Variants in KSR2 observed in about 807,000 individuals in gnomAD.
KSR2 encodes kinase suppressor of ras 2.
In KSR2, 25 loss-of-function variants were observed where a neutral mutation model predicts 107.8. The observed-to-expected ratio is 0.23, with a 90% CI of 0.17 to 0.32. The LOEUF is 0.32. Ranked by LOEUF, KSR2 falls within the 10% of genes least tolerant of loss-of-function variation. KSR2 has a pLI of 1.00. For synonymous variants in KSR2, 480 were observed against 507.0 expected, an observed-to-expected ratio of 0.95 and a Z score of 0.71; for missense variants, 887 against 1,268.9, an observed-to-expected ratio of 0.70 and a Z score of 4.57.
Position 117,531,005 on chromosome 12 carries a change from G to A in KSR2, c.1738C>T (p.Pro580Ser). ...KQQFIFPDVV[P>S]VPETPTRAPQ... ...GCCCGGGTCGGCGTCTCCGGCACCGGCACCACATCTGAAAACCAGAGATTG... is the reference window on the plus strand; with the variant it reads ...GCCCGGGTCGGCGTCTCCGGCACCGACACCACATCTGAAAACCAGAGATTG... The change falls in exon 12 of 20, where the codon CCG becomes TCG. Residue 580 changes from proline to serine, a missense_variant. Pro to Ser is a moderately conservative substitution (Grantham distance 74). Around this residue, in one of 8 missense-constraint regions of KSR2, gnomAD observed 308 missense variants for 506.2 expected, o/e 0.61. Coordinates refer to ENST00000339824, the MANE Select transcript of KSR2 (RefSeq NM_173598.6). 1 of 1,613,334 alleles carries A rather than the reference G, an allele frequency of 6.2e-7. No individual in the cohort carries two copies. The highest frequency in any genetic ancestry group is 1.1e-5 in the South Asian group (1 of 90,992).
chr12:117,747,361 C>G (rs1376506156), intron 4 of KSR2, among the ~76,000 whole-genome samples: 1 of 151,108 alleles, frequency 6.6e-6, no homozygotes, highest in Non-Finnish European at 1.5e-5. Context: ...CATGTTCTCA[C>G]TCATACGTGG....
intron 4 of KSR2, among the ~76,000 whole-genome samples, chr12:117,693,747 G>A (rs781611026): frequency 2.0e-5 from 3 of 152,106 alleles, no homozygotes; most frequent in Non-Finnish European, 4.4e-5. Context: ...ATCTCATGGA[G>A]CGCTCCCAAC....
intron 5 of KSR2, among the ~76,000 whole-genome samples, chr12:117,607,778 G>A (rs746729747): frequency 7.9e-5 from 12 of 152,140 alleles, no homozygotes; most frequent in Non-Finnish European, 1.6e-4. Context: ...ATTAACCTGG[G>A]GGTTCTGCGG....
At chr12:117,830,967 A>C (rs1891940534) in intron 3 of KSR2, among the ~76,000 whole-genome samples, 1 of 152,198 alleles carries the variant, frequency 6.6e-6, no homozygotes, top group Non-Finnish European at 1.5e-5. Flanking sequence ...AATTAAATAA[A>C]TAGATTTCTT....
chr12:117,579,190 CT>C lies in KSR2; in HGVS notation c.1253del (p.Lys418SerfsTer26). 1 of 1,613,400 alleles carries C rather than the reference CT, an allele frequency of 6.2e-7. No homozygotes were observed. The highest frequency in any genetic ancestry group is 8.5e-7 in the Non-Finnish European group (1 of 1,179,552). ...CTGTGCACGTCTGAGACATCCAGTACTTGGTGGAAAACCTGTGGAAAAGAGA... is the reference window on the plus strand; with the variant it reads ...CTGTGCACGTCTGAGACATCCAGTACTGGTGGAAAACCTGTGGAAAAGAGA... ...GNSIKHRFST[K>X]YWMSQTCTVC... On this transcript the variant is annotated frameshift_variant, in exon 7 of 20. Coordinates refer to ENST00000339824, the MANE Select transcript of KSR2 (RefSeq NM_173598.6). LOFTEE classifies it high-confidence loss of function.
At chr12:117,675,698 T>C (rs550807490) in intron 4 of KSR2, among the ~76,000 whole-genome samples, 1 of 152,292 alleles carries the variant, frequency 6.6e-6, no homozygotes, top group East Asian at 1.9e-4. Context: ...GGCCTCAGCC[T>C]CCTCGAGCGT....
At chr12:117,901,467 T>C (rs1894682144) in intron 1 of KSR2, among the ~76,000 whole-genome samples, 1 of 152,080 alleles carries the variant, frequency 6.6e-6, no homozygotes, top group Non-Finnish European at 1.5e-5. Flanking sequence ...CACATCCAGC[T>C]AATTTTTTGT....
intron 1 of KSR2, among the ~76,000 whole-genome samples, chr12:117,952,311 A>T (rs1215852615): frequency 1.3e-5 from 2 of 152,126 alleles, no homozygotes; most frequent in Non-Finnish European, 2.9e-5. Context: ...AAATACACAC[A>T]ATTTTGTTAA....
At chr12:117,717,482 G>A (rs1887029420) in intron 4 of KSR2, among the ~76,000 whole-genome samples, 1 of 152,090 alleles carries the variant, frequency 6.6e-6, no homozygotes, top group Non-Finnish European at 1.5e-5. Flanking sequence ...TTACACCGCT[G>A]CACTCCAACC....
chr12:117,885,553 G>A (rs1271600519), intron 1 of KSR2, among the ~76,000 whole-genome samples: 2 of 151,748 alleles, frequency 1.3e-5, no homozygotes, highest in Admixed American at 6.6e-5. Context: ...ATTTATAGGT[G>A]TGTATAAACA....
chr12:117,712,109 T>C (rs539647342), intron 4 of KSR2, among the ~76,000 whole-genome samples: 3 of 152,338 alleles, frequency 2.0e-5, no homozygotes, highest in African/African-American at 7.2e-5. Context: ...ACTCCCATGT[T>C]AGCAATGACC....
At chr12:117,673,356 G>T (rs1219602115) in intron 4 of KSR2, among the ~76,000 whole-genome samples, 1 of 152,012 alleles carries the variant, frequency 6.6e-6, no homozygotes, top group African/African-American at 2.4e-5. Flanking sequence ...GAAGATGAAA[G>T]AATTAAAGGA....
intron 3 of KSR2, among the ~76,000 whole-genome samples, chr12:117,786,318 TA>T (rs757896977): frequency 8.2e-4 from 125 of 152,210 alleles, no homozygotes; most frequent in Non-Finnish European, 3.5e-4. Flanking sequence ...ACATATTTTT[TA>T]TTTTTTTTAT....
At chr12:117,900,723 A>C (rs1198332395) in intron 1 of KSR2, among the ~76,000 whole-genome samples, 1 of 152,200 alleles carries the variant, frequency 6.6e-6, no homozygotes, top group Admixed American at 6.5e-5. Context: ...CCCATATTTA[A>C]GAATGCACCC....
chr12:117,881,060 T>G (rs1178249998), intron 1 of KSR2, among the ~76,000 whole-genome samples: 1 of 152,052 alleles, frequency 6.6e-6, no homozygotes, highest in Non-Finnish European at 1.5e-5. Context: ...CTATACCAGA[T>G]TTCAAGTATC....
intron 4 of KSR2, among the ~76,000 whole-genome samples, chr12:117,755,577 T>C (rs1888761279): frequency 6.6e-6 from 1 of 152,202 alleles, no homozygotes; most frequent in South Asian, 2.1e-4. Flanking sequence ...CTATTCCCCA[T>C]CTGTCTCTCC....
chr12:117,732,802 G>T (rs996178768), intron 4 of KSR2, among the ~76,000 whole-genome samples: 8 of 152,198 alleles, frequency 5.3e-5, no homozygotes, highest in African/African-American at 1.9e-4. Flanking sequence ...TGACCAGACA[G>T]CCCCTGACCA....
At chr12:117,938,559 ATAAT>A (rs927194349) in intron 1 of KSR2, among the ~76,000 whole-genome samples, 3 of 72,022 alleles carry the variant, frequency 4.2e-5, no homozygotes, top group African/African-American at 1.2e-4. Flanking sequence ...AAGTATAATA[ATAAT>A]AAATAAATAA....
intron 14 of KSR2, among the ~76,000 whole-genome samples, chr12:117,521,484 C>T (rs961135451): frequency 3.9e-5 from 6 of 152,186 alleles, no homozygotes; most frequent in African/African-American, 1.4e-4. Flanking sequence ...CCGTCGATAG[C>T]TTTGCAATAA....
Sources: allele counts gnomAD v4.1 joint callset (sites outside exome capture counted in the v4.1 genomes callset), GRCh38; gene constraint gnomAD v4.1.1; regional missense constraint gnomAD v4.1.1; transcripts MANE v1.5; gene names NCBI Gene and HGNC (gene_info 2026-07-23, HGNC 2026-07-21).